Variants in HSD17B4 observed in about 807,000 individuals in gnomAD.
HSD17B4 encodes the protein peroxisomal multifunctional enzyme type 2.
In HSD17B4, 70 loss-of-function variants were observed where a neutral mutation model predicts 101.0. That is an observed-to-expected ratio of 0.69 (90% CI 0.57 to 0.85). HSD17B4 has a LOEUF of 0.85. HSD17B4 is among the 40% of genes least tolerant of loss of function. The pLI, the probability that HSD17B4 is intolerant of heterozygous loss-of-function variation, is 0.00. For missense variants in HSD17B4, 984 were observed against 892.4 expected (o/e 1.10, Z -1.31); for synonymous variants, 347 against 297.1 (o/e 1.17, Z -1.73).
At chr5:119,489,899 G>A (rs1164416065) in intron 9 of HSD17B4, among the ~76,000 whole-genome samples, 1 of 151,968 alleles carries the variant, frequency 6.6e-6, no homozygotes, top group Non-Finnish European at 1.5e-5. Context: ...ATCCCATCAT[G>A]CAGTGAGATC....
intron 21 of HSD17B4, 102 bp from the exon 22 acceptor site, chr5:119,531,162 TAC>T (rs1329657065): frequency 2.8e-5 from 32 of 1,123,806 alleles, no homozygotes; most frequent in Non-Finnish European, 4.0e-6. Context: ...CTGACTTATG[TAC>T]AGAGTTTTAA....
At chr5:119,494,793 A>C (rs1483505168) in intron 11 of HSD17B4, among the ~76,000 whole-genome samples, 1 of 152,150 alleles carries the variant, frequency 6.6e-6, no homozygotes, top group Non-Finnish European at 1.5e-5. Flanking sequence ...CATAGAAGGG[A>C]CTTAATAATT....
chr5:119,499,057 CA>C (rs1456043660), intron 12 of HSD17B4, among the ~76,000 whole-genome samples: 1 of 152,066 alleles, frequency 6.6e-6, no homozygotes, highest in Non-Finnish European at 1.5e-5. Flanking sequence ...GAATTAGAGA[CA>C]GGAAAGTTGA....
intron 4 of HSD17B4, among the ~76,000 whole-genome samples, 197 bp from the exon 5 acceptor site, chr5:119,475,509 A>G (rs1442068385): frequency 6.6e-6 from 1 of 152,148 alleles, no homozygotes; most frequent in African/African-American, 2.4e-5. Context: ...GGTGCTTGAT[A>G]TAATGTGATA....
chr5:119,516,431 A>G (rs548645274), intron 17 of HSD17B4, among the ~76,000 whole-genome samples: 1 of 152,258 alleles, frequency 6.6e-6, no homozygotes, highest in East Asian at 1.9e-4. Flanking sequence ...CACAGTAAGT[A>G]GTGGGGTTTT....
chr5:119,527,972 A>T (rs1240526490), intron 20 of HSD17B4, among the ~76,000 whole-genome samples: 1 of 152,126 alleles, frequency 6.6e-6, no homozygotes, highest in Non-Finnish European at 1.5e-5. Flanking sequence ...ATTAAAAGAC[A>T]GTTTTTGTTA....
chr5:119,524,213 A>G (rs1423892639), intron 17 of HSD17B4, among the ~76,000 whole-genome samples: 1 of 152,134 alleles, frequency 6.6e-6, no homozygotes, highest in Non-Finnish European at 1.5e-5. Flanking sequence ...TAGAACCATT[A>G]TATGGAGTCA....
chr5:119,498,349 T>C (rs1561462400), intron 12 of HSD17B4, among the ~76,000 whole-genome samples: 1 of 152,212 alleles, frequency 6.6e-6, no homozygotes, highest in Non-Finnish European at 1.5e-5. Context: ...TCTATTCTAG[T>C]ACATATTCTT....
chr5:119,491,673 A>G (rs1215261485), intron 9 of HSD17B4, among the ~76,000 whole-genome samples: 1 of 152,152 alleles, frequency 6.6e-6, no homozygotes, highest in Admixed American at 6.6e-5. Flanking sequence ...AGGTCCTTCA[A>G]GAGGGACATT....
intron 2 of HSD17B4, among the ~76,000 whole-genome samples, chr5:119,462,248 A>ATTTTTTTTTTTTTTTTTT (rs10524491): frequency 3.3e-5 from 1 of 30,010 alleles, no homozygotes; most frequent in Non-Finnish European, 7.9e-5. Flanking sequence ...AACAAATGTG[A>ATTTTTTTTTTTTTTTTTT]TTTTTTTTTT....
At chr5:119,517,887 T>G (rs1336171736) in intron 17 of HSD17B4, among the ~76,000 whole-genome samples, 1 of 152,170 alleles carries the variant, frequency 6.6e-6, no homozygotes, top group Non-Finnish European at 1.5e-5. Flanking sequence ...ATTTAGCTAC[T>G]CTGGTGGGGC....
chr5:119,508,884 A>G (rs1169517206), intron 15 of HSD17B4, among the ~76,000 whole-genome samples: 5 of 152,228 alleles, frequency 3.3e-5, no homozygotes, highest in African/African-American at 1.2e-4. Flanking sequence ...AGCCTTAAGA[A>G]AAGTGAAAGA....
At chr5:119,496,949 A>C (rs922103789) in intron 12 of HSD17B4, among the ~76,000 whole-genome samples, 2 of 152,054 alleles carry the variant, frequency 1.3e-5, no homozygotes, top group East Asian at 3.9e-4. Context: ...AGAGTACTTT[A>C]TTTGTCTTTT....
At chr5:119,526,231 C>G (rs1171466921) in intron 19 of HSD17B4, among the ~76,000 whole-genome samples, 2 of 151,344 alleles carry the variant, frequency 1.3e-5, no homozygotes, top group African/African-American at 4.9e-5. Flanking sequence ...TGCACAGTTG[C>G]AATTTTGACA....
In HSD17B4 at chr5:119,527,199, A is replaced by G; in HGVS notation, c.1747A>G (p.Arg583Gly). The G allele has an allele frequency of 6.2e-7, 1 of 1,606,666 alleles. No individual in the cohort carries two copies. Among genetic ancestry groups the G allele is most frequent in the Non-Finnish European group, 8.5e-7 (1 of 1,173,708 alleles). Residue 583 changes from arginine (R) to glycine (G), a missense_variant, in exon 20 of 24, where the codon AGA becomes GGA. Coordinates refer to ENST00000510025, the MANE Select transcript of HSD17B4 (RefSeq NM_000414.4). Reference sequence around the variant, plus strand: ...AACTGAGATGTGGAAGGAAGGAAACAGAATTCATTTTCAAACCAAGGTATG... The same window carrying G: ...AACTGAGATGTGGAAGGAAGGAAACGGAATTCATTTTCAAACCAAGGTATG... Reference protein sequence around the residue: ...LQTEMWKEGNRIHFQTKVQET... With the variant: ...LQTEMWKEGNGIHFQTKVQET...
rs564688224 is a variant in HSD17B4, at chr5:119,506,866, C to A, written c.1310C>A (p.Ser437Tyr). 1 of 1,569,884 alleles carries A rather than the reference C, an allele frequency of 6.4e-7. No individual in the cohort carries two copies. Among genetic ancestry groups the A allele is most frequent in the Admixed American group, 1.7e-5 (1 of 59,872 alleles). ...GTTGCTGATGTCCTAGATAAAGGATCCGGTGTAGTGATTATTATGGATGGT... is the reference window on the plus strand; with the variant it reads ...GTTGCTGATGTCCTAGATAAAGGATACGGTGTAGTGATTATTATGGATGGT... ...AVVADVLDKGSGVVIIMDVYS... is the reference protein window; with the variant it reads ...AVVADVLDKGYGVVIIMDVYS... Residue 437 changes from serine to tyrosine, a missense_variant, in exon 15 of 24, where the codon TCC becomes TAC. Physicochemically the swap from Ser to Tyr is moderately radical, Grantham distance 144 (BLOSUM62 -2). Coordinates refer to ENST00000510025, the MANE Select transcript of HSD17B4 (RefSeq NM_000414.4).
chr5:119,496,670 C>T (rs200143492), intron 12 of HSD17B4, 24 bp downstream of exon 12: 42 of 1,262,436 alleles, frequency 3.3e-5, no homozygotes, highest in African/African-American at 2.1e-4. Flanking sequence ...AAGCCTAAAG[C>T]GTTTGCCTTC....
In HSD17B4 at chr5:119,452,651, G is replaced by C. The variant is rs1414322059; in HGVS notation, c.58+18G>C. 1 of 1,613,590 alleles carries C rather than the reference G, an allele frequency of 6.2e-7. No individual in the cohort carries two copies. ...GGGGGCAGGTGAGCATGCGAAGGTT[G>C]GAGGCCGCGCCCCTTGCTGAGGCGC... On this transcript the variant is annotated intron_variant, in intron 1 of 23. Coordinates refer to ENST00000510025, the MANE Select transcript of HSD17B4 (RefSeq NM_000414.4).
At chr5:119,485,550 C>T (rs928205766) in intron 8 of HSD17B4, among the ~76,000 whole-genome samples, 1 of 151,870 alleles carries the variant, frequency 6.6e-6, no homozygotes, top group Non-Finnish European at 1.5e-5. Flanking sequence ...TTTTTTCTTA[C>T]TCTTTTATAG....
Sources: gnomAD v4.1 joint callset for allele counts (sites outside exome capture counted in the v4.1 genomes callset) on GRCh38, gnomAD v4.1.1 for gene constraint, MANE v1.5 for transcripts, NCBI Gene and HGNC (gene_info 2026-07-23, HGNC 2026-07-21) for gene names.